The following CYP39A1 variants were observed in gnomAD, a reference collection of about 807,000 sequenced individuals.
CYP39A1 encodes the protein cytochrome P450 family 39 subfamily A member 1.
In CYP39A1, 49 loss-of-function variants were observed where a neutral mutation model predicts 58.1. The ratio of observed to expected loss-of-function variants is 0.84; its 90% CI spans 0.67 to 1.07. CYP39A1 has a LOEUF of 1.07. Ranked by LOEUF, CYP39A1 falls within the 50% of genes least tolerant of loss-of-function variation. CYP39A1 has a pLI of 0.00. For synonymous variants in CYP39A1, 209 were observed against 187.6 expected, an observed-to-expected ratio of 1.11 and a Z score of -0.93; for missense variants, 531 against 539.4, an observed-to-expected ratio of 0.98 and a Z score of 0.16.
At chr6:46,603,538 C>A (rs1374236881) in intron 7 of CYP39A1, among the ~76,000 whole-genome samples, 1 of 152,188 alleles carries the variant, frequency 6.6e-6, no homozygotes, top group African/African-American at 2.4e-5. Context: ...ACTGCCTGTT[C>A]TTCCTCCTTT....
At chr6:46,615,003 T>C (rs1165706033) in intron 7 of CYP39A1, among the ~76,000 whole-genome samples, 2 of 152,168 alleles carry the variant, frequency 1.3e-5, no homozygotes, top group Non-Finnish European at 2.9e-5. Flanking sequence ...TCTCCATTTC[T>C]TTATTTCAGT....
At chr6:46,619,018 G>A (rs1171613540) in intron 7 of CYP39A1, among the ~76,000 whole-genome samples, 1 of 152,046 alleles carries the variant, frequency 6.6e-6, no homozygotes, top group Non-Finnish European at 1.5e-5. Context: ...TAGAGCCCCT[G>A]GGGATTATTC....
At chr6:46,564,449 A>G (rs745673158) in intron 10 of CYP39A1, among the ~76,000 whole-genome samples, 4 of 151,752 alleles carry the variant, frequency 2.6e-5, no homozygotes, top group African/African-American at 7.3e-5. Flanking sequence ...GCCCATCTCA[A>G]CCTCCCAAAA....
intron 7 of CYP39A1, among the ~76,000 whole-genome samples, chr6:46,614,903 T>C (rs1370617353): frequency 1.3e-5 from 2 of 152,190 alleles, no homozygotes; most frequent in Non-Finnish European, 2.9e-5. Flanking sequence ...AAGTGCATTG[T>C]GGCCACTGGC....
Position 46,627,080 on chromosome 6 carries a change from A to G in CYP39A1, c.841-1572T>C, listed in dbSNP as rs73471105. On this transcript the variant is annotated intron_variant, in intron 6 of 11. Transcript: ENST00000275016. ...AAGGCACATCTTACACGGTGGCAGA[A>G]GAAGGGGGTGGGGAAAATGGCCAAA... 9.2e-3 allele frequency among the ~76,000 whole-genome samples: 1,394 copies of G among 152,264 alleles called. 22 individuals carry two copies. The highest frequency in any genetic ancestry group is 0.031 in the African/African-American group (1,282 of 41,558).
intron 5 of CYP39A1, among the ~76,000 whole-genome samples, chr6:46,635,586 C>T (rs1006568468): frequency 4.6e-5 from 7 of 152,176 alleles, no homozygotes; most frequent in African/African-American, 1.7e-4. Context: ...GGATTTCGCT[C>T]TGTCATCCAG....
intron 10 of CYP39A1, among the ~76,000 whole-genome samples, chr6:46,573,171 G>A (rs806488): frequency 0.086 from 13,030 of 151,896 alleles, 1,395 homozygotes; most frequent in African/African-American, 0.25. Context: ...TTAGGGTTTC[G>A]CATTGGAAAA....
At chr6:46,619,821 C>T (rs780880284) in intron 7 of CYP39A1, among the ~76,000 whole-genome samples, 9 of 152,104 alleles carry the variant, frequency 5.9e-5, no homozygotes, top group Non-Finnish European at 1.3e-4. Flanking sequence ...AGCTCTGGTA[C>T]TTCACACAAT....
At chr6:46,640,760 GC>G (rs764272848) in intron 2 of CYP39A1, among the ~76,000 whole-genome samples, 38 of 150,400 alleles carry the variant, frequency 2.5e-4, no homozygotes, top group Non-Finnish European at 5.2e-4. Context: ...TTCAACCTTT[GC>G]CCCCTGCCGC....
intron 10 of CYP39A1, among the ~76,000 whole-genome samples, chr6:46,572,570 C>T (rs1771648010): frequency 1.3e-5 from 2 of 152,144 alleles, no homozygotes; most frequent in Non-Finnish European, 2.9e-5. Flanking sequence ...TGACAAGTCA[C>T]TTTTCTCTTG....
intron 1 of CYP39A1, among the ~76,000 whole-genome samples, chr6:46,646,489 C>T (rs1165329094): frequency 1.3e-5 from 2 of 152,026 alleles, no homozygotes; most frequent in African/African-American, 4.8e-5. Flanking sequence ...GTTATTTCTG[C>T]ATCTATTAAT....
chr6:46,649,075 G>T (rs1456689787), intron 1 of CYP39A1, among the ~76,000 whole-genome samples: 1 of 152,204 alleles, frequency 6.6e-6, no homozygotes, highest in African/African-American at 2.4e-5. Flanking sequence ...TGTTGTAACA[G>T]AATTTCGTAA....
intron 10 of CYP39A1, among the ~76,000 whole-genome samples, chr6:46,567,972 T>A (rs958441138): frequency 7.0e-6 from 1 of 143,662 alleles, no homozygotes; most frequent in Non-Finnish European, 1.5e-5. Context: ...CAGATCTGGA[T>A]TGAGCTTATA....
intron 7 of CYP39A1, among the ~76,000 whole-genome samples, chr6:46,611,719 T>C (rs1052666271): frequency 6.6e-6 from 1 of 152,036 alleles, no homozygotes; most frequent in Non-Finnish European, 1.5e-5. Context: ...ACATGATAAA[T>C]AAAAGGGAGA....
Position 46,578,157 on chromosome 6 carries a change from T to A in CYP39A1, c.1250+8920A>T, listed in dbSNP as rs111945760. ...AACCATAAAATTAGATAGAAATTAA[T>A]TGCTCTGCTCCTGAATGACTTTAAA... On this transcript the variant is annotated intron_variant, in intron 10 of 11. Transcript: ENST00000275016. Among the ~76,000 whole-genome samples, 484 of 152,146 alleles carry A rather than the reference T, an allele frequency of 3.2e-3. 3 individuals carry two copies. The highest frequency in any genetic ancestry group is 0.019 in the South Asian group (90 of 4,828).
intron 7 of CYP39A1, among the ~76,000 whole-genome samples, chr6:46,610,624 T>G (rs1774157283): frequency 6.6e-6 from 1 of 152,182 alleles, no homozygotes. Flanking sequence ...GGATTACAGG[T>G]GTGAGCCACG....
intron 7 of CYP39A1, among the ~76,000 whole-genome samples, chr6:46,603,097 CCTT>C (rs1773618960): frequency 6.6e-6 from 1 of 152,204 alleles, no homozygotes; most frequent in African/African-American, 2.4e-5. Context: ...ACCCTATTCT[CCTT>C]CTCCCCTGTA....
intron 5 of CYP39A1, 102 bp from the exon 6 acceptor site, chr6:46,631,172 T>C: frequency 1.1e-6 from 1 of 924,426 alleles, no homozygotes; most frequent in Non-Finnish European, 1.7e-6. Context: ...AAAGATATCA[T>C]TTCTGCCATT....
chr6:46,569,230 G>A (rs180814024), intron 10 of CYP39A1, among the ~76,000 whole-genome samples: 95 of 152,158 alleles, frequency 6.2e-4, no homozygotes, highest in Non-Finnish European at 1.2e-3. Context: ...TGTTCATACT[G>A]TATCCTGCTA....
Sources: gnomAD v4.1 joint callset for allele counts (sites outside exome capture counted in the v4.1 genomes callset) on GRCh38, gnomAD v4.1.1 for gene constraint, MANE v1.5 for transcripts, NCBI Gene and HGNC (gene_info 2026-07-23, HGNC 2026-07-21) for gene names.